The following CFAP299 variants were observed in gnomAD, a reference collection of about 807,000 sequenced individuals.
CFAP299 encodes the protein cilia and flagella associated protein 299.
A neutral mutation model predicts 27.0 loss-of-function variants in CFAP299; 21 were observed. The observed-to-expected ratio is 0.78, with a 90% CI of 0.55 to 1.12. The LOEUF (loss-of-function observed/expected upper bound fraction) is 1.12. Among genes scored for constraint, CFAP299 ranks in the 50% most tolerant of loss-of-function variants. The pLI is 0.00. For synonymous variants in CFAP299, 104 were observed against 98.1 expected, an observed-to-expected ratio of 1.06 and a Z score of -0.36; for missense variants, 310 against 276.6, an observed-to-expected ratio of 1.12 and a Z score of -0.86.
intron 2 of CFAP299, among the ~76,000 whole-genome samples, chr4:80,493,857 G>A (rs552630192): frequency 2.2e-4 from 29 of 130,228 alleles, no homozygotes; most frequent in Non-Finnish European, 4.5e-4. Context: ...CTCACTACAA[G>A]CTCCGCTTCC....
At chr4:80,843,400 G>C (rs1560439970) in intron 3 of CFAP299, among the ~76,000 whole-genome samples, 1 of 152,066 alleles carries the variant, frequency 6.6e-6, no homozygotes, top group Non-Finnish European at 1.5e-5. Flanking sequence ...TCCCTACAAA[G>C]GACATGAACT....
intron 2 of CFAP299, among the ~76,000 whole-genome samples, chr4:80,372,766 C>A (rs961818344): frequency 1.3e-5 from 2 of 152,084 alleles, no homozygotes; most frequent in African/African-American, 2.4e-5. Flanking sequence ...GTGGGATGCC[C>A]AACCAGCCCA....
At chr4:80,855,629 T>C (rs982038295) in intron 3 of CFAP299, among the ~76,000 whole-genome samples, 1 of 152,174 alleles carries the variant, frequency 6.6e-6, no homozygotes, top group Non-Finnish European at 1.5e-5. Context: ...ATTGTTCAAT[T>C]CCCATCTATG....
At chr4:80,594,181 C>G (rs1560644933) in intron 3 of CFAP299, among the ~76,000 whole-genome samples, 1 of 152,148 alleles carries the variant, frequency 6.6e-6, no homozygotes, top group Non-Finnish European at 1.5e-5. Flanking sequence ...TTAATTGACT[C>G]ACAGTTCCAC....
At chr4:80,885,796 G>A (rs921992662) in intron 4 of CFAP299, among the ~76,000 whole-genome samples, 3 of 152,196 alleles carry the variant, frequency 2.0e-5, no homozygotes, top group African/African-American at 4.8e-5. Context: ...CCCAGCTGTG[G>A]TGGCTACTGT....
intron 2 of CFAP299, among the ~76,000 whole-genome samples, chr4:80,377,893 T>C (rs745316896): frequency 1.8e-4 from 27 of 151,786 alleles, no homozygotes; most frequent in Admixed American, 5.9e-4. Flanking sequence ...TGGTGGGAGG[T>C]GAAACGCACT....
chr4:80,349,373 A>G (rs189271116), intron 1 of CFAP299, among the ~76,000 whole-genome samples: 3 of 152,334 alleles, frequency 2.0e-5, no homozygotes, highest in African/African-American at 7.2e-5. Context: ...TTCACTACAT[A>G]TGCCATGTTT....
At chr4:80,529,044 A>G (rs1204028242) in intron 2 of CFAP299, among the ~76,000 whole-genome samples, 3 of 152,100 alleles carry the variant, frequency 2.0e-5, no homozygotes, top group African/African-American at 4.8e-5. Context: ...TGCCTTCAAA[A>G]TTTCTCCATG....
At chr4:80,799,532 A>G (rs187978944) in intron 3 of CFAP299, among the ~76,000 whole-genome samples, 1,350 of 82,630 alleles carry the variant, frequency 0.016, 26 homozygotes, top group East Asian at 0.062. Context: ...AATATATAAT[A>G]TATTTAATAC....
intron 3 of CFAP299, among the ~76,000 whole-genome samples, chr4:80,777,025 A>G (rs1025676986): frequency 1.3e-5 from 2 of 151,974 alleles, no homozygotes; most frequent in Non-Finnish European, 2.9e-5. Context: ...TGGTTGCTCT[A>G]CTATCATGTC....
chr4:80,388,731 A>C, intron 2 of CFAP299: 1 of 559,906 alleles, frequency 1.8e-6, no homozygotes, highest in Non-Finnish European at 3.1e-6. Flanking sequence ...GAGCCCCTAT[A>C]TTTCTTATAA....
chr4:80,801,263 T>G (rs1339309930), intron 3 of CFAP299, among the ~76,000 whole-genome samples: 2 of 152,024 alleles, frequency 1.3e-5, no homozygotes, highest in East Asian at 3.9e-4. Flanking sequence ...TCTCAAATAT[T>G]CATGGTTTTG....
chr4:80,633,346 G>A (rs1298517853), intron 3 of CFAP299, among the ~76,000 whole-genome samples: 3 of 152,116 alleles, frequency 2.0e-5, no homozygotes. Flanking sequence ...GGCTGAGGCA[G>A]GAGAATCGCT....
chr4:80,470,337 A>G (rs1729931858), intron 2 of CFAP299, among the ~76,000 whole-genome samples: 1 of 152,114 alleles, frequency 6.6e-6, no homozygotes, highest in Non-Finnish European at 1.5e-5. Context: ...ATATGAATGA[A>G]TTCTCAGTCT....
intron 3 of CFAP299, among the ~76,000 whole-genome samples, chr4:80,595,897 T>C (rs935941825): frequency 2.0e-5 from 3 of 152,180 alleles, no homozygotes; most frequent in Admixed American, 6.6e-5. Context: ...CAAAATACTT[T>C]CTCCTTTGGG....
chr4:80,504,753 A>G lies in CFAP299; in HGVS notation c.243-78340A>G, dbSNP rs971924199. Reference sequence around the variant, plus strand: ...AGTGAGGTTAAGGGTATATGGGTTGAGAAGATGGTAGCATGTGGTTACCAA... The same window carrying G: ...AGTGAGGTTAAGGGTATATGGGTTGGGAAGATGGTAGCATGTGGTTACCAA... On this transcript the variant is annotated intron_variant, in intron 2 of 5. Transcript: ENST00000358105. 2.0e-5 allele frequency among the ~76,000 whole-genome samples: 3 copies of G among 148,196 alleles called. No homozygotes were observed. In the Admixed American group the frequency reaches 2.0e-4, roughly 10 times the overall value.
chr4:80,442,712 G>T (rs982095454), intron 2 of CFAP299, among the ~76,000 whole-genome samples: 32 of 152,156 alleles, frequency 2.1e-4, no homozygotes, highest in African/African-American at 7.5e-4. Flanking sequence ...AGGAGATAGA[G>T]ACTCGAAAAA....
At chr4:80,788,858 G>T (rs568143084) in intron 3 of CFAP299, among the ~76,000 whole-genome samples, 1 of 152,098 alleles carries the variant, frequency 6.6e-6, no homozygotes, top group African/African-American at 2.4e-5. Flanking sequence ...TATTAGAAGT[G>T]GTTTAGGGTT....
At chr4:80,801,666 T>A (rs1306664450) in intron 3 of CFAP299, among the ~76,000 whole-genome samples, 2 of 152,106 alleles carry the variant, frequency 1.3e-5, no homozygotes, top group Non-Finnish European at 2.9e-5. Context: ...TTATTACCTA[T>A]GGTGTTTGCA....
Sources: gnomAD v4.1 joint callset for allele counts (sites outside exome capture counted in the v4.1 genomes callset) on GRCh38, gnomAD v4.1.1 for gene constraint, MANE v1.5 for transcripts, NCBI Gene and HGNC (gene_info 2026-07-23, HGNC 2026-07-21) for gene names.